Variants in WDR36 observed in about 807,000 individuals in gnomAD.
WDR36 encodes the protein WD repeat-containing protein 36.
In WDR36, 63 loss-of-function variants were observed where a neutral mutation model predicts 112.7. The ratio of observed to expected loss-of-function variants is 0.56; its 90% CI spans 0.46 to 0.69. The LOEUF (loss-of-function observed/expected upper bound fraction) is 0.69, where lower values mean the gene tolerates loss of function less well. WDR36 is among the 30% of genes least tolerant of loss of function. The pLI, the probability that WDR36 is intolerant of heterozygous loss-of-function variation, is 0.00. For missense variants in WDR36, 1,226 were observed against 1,070.3 expected (o/e 1.15, Z -2.03); for synonymous variants, 410 against 362.2 (o/e 1.13, Z -1.50).
intron 4 of WDR36, among the ~76,000 whole-genome samples, chr5:111,099,475 T>TTTTTTTTTTTTG (rs1753073740): frequency 7.3e-6 from 1 of 136,300 alleles, no homozygotes; most frequent in Admixed American, 7.5e-5. Context: ...TTTTTTTTTT[T>TTTTTTTTTTTTG]TTTTTTTTTC....
chr5:111,100,958 T>C (rs147964013), intron 5 of WDR36, among the ~76,000 whole-genome samples: 6 of 152,084 alleles, frequency 3.9e-5, no homozygotes, highest in African/African-American at 1.4e-4. Context: ...AGTAGTACAG[T>C]ATAACAGCTA....
At chr5:111,118,532 A>G (rs1370032778) in intron 16 of WDR36, among the ~76,000 whole-genome samples, 3 of 152,180 alleles carry the variant, frequency 2.0e-5, no homozygotes, top group African/African-American at 4.8e-5. Context: ...AAATAGGTAC[A>G]GTTGCTCAAA....
At position 111,124,154 on chromosome 5, in the gene WDR36, G is replaced by T; in HGVS notation, c.2315G>T (p.Cys772Phe). ...LGVLAQKSDFCLKLEEGLVNN... is the reference protein window; with the variant it reads ...LGVLAQKSDFFLKLEEGLVNN... ...GTTTTGGCTCAAAAATCAGATTTCT[G>T]CTTGAAACTTGAAGAAGGACTGGTA... The change falls in exon 21 of 23, where the codon TGC becomes TTC. Residue 772 changes from cysteine to phenylalanine, a missense_variant. Transcript: ENST00000513710. The T allele has an allele frequency of 6.2e-7, 1 of 1,612,690 alleles. No individual in the cohort carries two copies. Among genetic ancestry groups the T allele is most frequent in the Non-Finnish European group, 8.5e-7 (1 of 1,179,526 alleles).
Position 111,092,379 on chromosome 5 carries a change from C to G in WDR36, c.-78C>G. 4.3e-6 allele frequency: 7 copies of G among 1,614,230 alleles called. No homozygotes were observed. The highest frequency in any genetic ancestry group is 1.6e-4 in the Middle Eastern group (1 of 6,062). The stretch of plus-strand genomic sequence containing the variant: ...TCTGCAGCTCTGGCAGAGGACTGTT[C>G]CACTAGACACGCTGAAGGGACTGGG... On this transcript the variant is annotated 5_prime_UTR_variant, in exon 1 of 23. Coordinates refer to ENST00000513710, the MANE Select transcript of WDR36 (RefSeq NM_139281.3).
rs1194648356 is a variant in WDR36 at position 111,092,575 on chromosome 5, T to C, written c.119T>C (p.Phe40Ser). 55 of 1,613,678 alleles carry C rather than the reference T, an allele frequency of 3.4e-5. No homozygotes were observed. Among genetic ancestry groups the C allele is most frequent in the Non-Finnish European group, 4.2e-5 (50 of 1,179,716 alleles). The change falls in exon 1 of 23, where the codon TTC becomes TCC. Residue 40 changes from phenylalanine to serine, a missense_variant. Physicochemically the swap from Phe to Ser is radical, Grantham distance 155 (BLOSUM62 -2). Coordinates refer to ENST00000513710, the MANE Select transcript of WDR36 (RefSeq NM_139281.3). ...VVRFSALKRR[F>S]YVTTCVGKSF... is the part of the protein sequence containing the mutation. Reference sequence around the variant, plus strand: ...CGGTTCAGCGCGCTCAAGCGCCGGTTCTATGTAACAACCTGCGTGGGCAAG... The same window carrying C: ...CGGTTCAGCGCGCTCAAGCGCCGGTCCTATGTAACAACCTGCGTGGGCAAG...
At chr5:111,120,242 T>C (rs1424352787) in intron 17 of WDR36, among the ~76,000 whole-genome samples, 1 of 152,152 alleles carries the variant, frequency 6.6e-6, no homozygotes. Context: ...CCTTATAAAA[T>C]TATTATCTAC....
rs35527062 is a variant in WDR36, at chr5:111,113,052, A to ATATATTT, written c.1717-21_1717-20insATATTTT. 1,337 of 473,552 alleles carry ATATATTT rather than the reference A, an allele frequency of 2.8e-3. 22 individuals are homozygous for ATATATTT. In the African/African-American group the frequency reaches 0.032, roughly 11 times the overall value. 29.3% of individuals were successfully genotyped at this position (473,552 alleles called of 1,614,324 possible). On this transcript the variant is annotated intron_variant, in intron 15 of 22. Transcript: ENST00000513710. ...ATATAAATAATATATATATATATATATTTTTTTTTTTTAATTTAAAGGCTT... is the reference window on the plus strand; with the variant it reads ...ATATAAATAATATATATATATATATATATATTTTTTTTTTTTTTTAATTTAAAGGCTT...
chr5:111,126,939 A>G lies in WDR36; in HGVS notation c.*56A>G, dbSNP rs1753689077. ...ATATTAAATGGGTTCAATTGAACTC[A>G]TTTCTTATTTTCCAAGTGTCAATGT... On this transcript the variant is annotated 3_prime_UTR_variant, in exon 23 of 23. Transcript: ENST00000513710. 6.8e-7 allele frequency: 1 copy of G among 1,465,188 alleles called. No individual in the cohort carries two copies. The highest frequency in any genetic ancestry group is 9.2e-7 in the Non-Finnish European group (1 of 1,087,996). The allele number at this position is 1,465,188 out of a possible 1,614,324, so 90.8% of individuals were successfully genotyped here.
chr5:111,116,057 C>T (rs887548112), intron 16 of WDR36, among the ~76,000 whole-genome samples: 41 of 152,138 alleles, frequency 2.7e-4, no homozygotes, highest in African/African-American at 8.9e-4. Context: ...ATTCTCCTGC[C>T]TCAGCTTCCC....
chr5:111,096,714 GAAAA>G (rs112648944), intron 2 of WDR36, among the ~76,000 whole-genome samples: 3 of 141,904 alleles, frequency 2.1e-5, no homozygotes, highest in East Asian at 2.0e-4. Context: ...TCAAAAAAAA[GAAAA>G]AAAAAAAGAT....
intron 9 of WDR36, 63 bp downstream of exon 9, chr5:111,104,880 T>TA: frequency 6.2e-7 from 1 of 1,604,728 alleles, no homozygotes; most frequent in Non-Finnish European, 8.5e-7. Context: ...GTGCCCAGTA[T>TA]GAGGTTTGAT....
chr5:111,120,525 C>A lies in WDR36; in HGVS notation c.1934C>A (p.Ser645Ter). Residue 645 changes from serine to a stop codon, truncating the protein, a stop_gained, in exon 18 of 23, where the codon TCA (serine) becomes TAA (stop). Coordinates refer to ENST00000513710, the MANE Select transcript of WDR36 (RefSeq NM_139281.3). LOFTEE classifies it high-confidence loss of function. ...WSNISLYSVV[S>*]LRPLPADYVP... ...AATATTTCCCTGTATTCAGTTGTTT[C>A]ATTACGGCCACTTCCTGCAGATTAT... is the stretch of plus-strand genomic sequence containing the variant. The A allele has an allele frequency of 6.2e-7, 1 of 1,612,926 alleles. No individual in the cohort carries two copies. The highest frequency in any genetic ancestry group is 8.5e-7 in the Non-Finnish European group (1 of 1,179,264).
At chr5:111,102,480 G>A (rs1753140998) in intron 6 of WDR36, 81 bp downstream of exon 6, 3 of 1,361,888 alleles carry the variant, frequency 2.2e-6, no homozygotes, top group East Asian at 4.6e-5. Flanking sequence ...CATAATTTTA[G>A]ACGTAAAGAC....
intron 3 of WDR36, among the ~76,000 whole-genome samples, chr5:111,098,157 C>T (rs1353443366): frequency 6.6e-6 from 1 of 152,020 alleles, no homozygotes; most frequent in Non-Finnish European, 1.5e-5. Context: ...TGTTACCACC[C>T]CTAAGGCCAA....
intron 11 of WDR36, 147 bp downstream of exon 11, chr5:111,106,290 T>C: frequency 4.0e-6 from 3 of 741,190 alleles, no homozygotes; most frequent in Admixed American, 4.2e-5. Context: ...TGGTCTTGTG[T>C]GAAGACTAAA....
chr5:111,121,297 A>G (rs1178928696), intron 19 of WDR36, among the ~76,000 whole-genome samples, 156 bp downstream of exon 19: 2 of 152,134 alleles, frequency 1.3e-5, no homozygotes, highest in African/African-American at 4.8e-5. Flanking sequence ...ATTGTTTAAT[A>G]TGGTATGATT....
In WDR36 at chr5:111,103,707, CTAA is replaced by C. The variant is rs1403691396; in HGVS notation, c.598-74_598-72del. The C allele has an allele frequency of 1.9e-4, 302 of 1,549,380 alleles. 1 individual carries two copies. The highest frequency in any genetic ancestry group is 2.4e-4 in the Non-Finnish European group (271 of 1,126,778). On this transcript the variant is annotated intron_variant, in intron 6 of 22. Coordinates refer to ENST00000513710, the MANE Select transcript of WDR36 (RefSeq NM_139281.3). The stretch of plus-strand genomic sequence containing the variant: ...ACTTCATTATTTCTTTTGATAACAC[CTAA>C]TAATGATGCGTATCATCAGGATTAT...
chr5:111,106,852 C>G (rs1753229857), intron 11 of WDR36, among the ~76,000 whole-genome samples: 1 of 151,374 alleles, frequency 6.6e-6, no homozygotes, highest in Non-Finnish European at 1.5e-5. Flanking sequence ...ACTACACTTA[C>G]TTGCTGTCCT....
intron 2 of WDR36, 126 bp from the exon 3 acceptor site, chr5:111,096,953 C>G (rs1001692106): frequency 6.1e-6 from 4 of 660,826 alleles, no homozygotes; most frequent in African/African-American, 5.5e-5. Context: ...TACACTGATT[C>G]TCAACTTTGA....
Sources: gnomAD v4.1 joint callset for allele counts (sites outside exome capture counted in the v4.1 genomes callset) on GRCh38, gnomAD v4.1.1 for gene constraint, MANE v1.5 for transcripts, NCBI Gene and HGNC (gene_info 2026-07-23, HGNC 2026-07-21) for gene names.